Variants in AHCYL2 observed in about 807,000 individuals in gnomAD.
AHCYL2 encodes the protein adenosylhomocysteinase like 2.
Under a neutral mutation model 81.4 loss-of-function variants are expected in AHCYL2, and 28 were observed. The ratio of observed to expected loss-of-function variants is 0.34; its 90% confidence interval spans 0.25 to 0.47. The LOEUF is 0.47. Among genes scored for constraint, AHCYL2 ranks in the 20% least tolerant of loss-of-function variants. The probability of loss-of-function intolerance (pLI) is 1.00; values close to 1 mark genes in which losing one functional copy is unlikely to be tolerated. For missense variants in AHCYL2, 551 were observed against 785.1 expected, an observed-to-expected ratio of 0.70 and a Z score of 3.56; for synonymous variants, 272 against 290.2, an observed-to-expected ratio of 0.94 and a Z score of 0.64.
At chr7:129,339,602 G>T (rs982548066) in intron 1 of AHCYL2, among the ~76,000 whole-genome samples, 2 of 151,970 alleles carry the variant, frequency 1.3e-5, no homozygotes, top group African/African-American at 4.8e-5. Context: ...GCCCAGGCTG[G>T]CTCATCGCAG....
intron 1 of AHCYL2, among the ~76,000 whole-genome samples, chr7:129,351,125 T>A (rs1208288249): frequency 6.6e-6 from 1 of 152,170 alleles, no homozygotes; most frequent in East Asian, 1.9e-4. Flanking sequence ...AATTTTAAAT[T>A]TATGAAAGTT....
intron 1 of AHCYL2, among the ~76,000 whole-genome samples, chr7:129,255,512 A>G (rs1409956321): frequency 6.6e-6 from 1 of 152,238 alleles, no homozygotes; most frequent in Non-Finnish European, 1.5e-5. Flanking sequence ...GTGTGGGTCG[A>G]AAGTAATTAA....
rs575342585 is a variant in AHCYL2, at chr7:129,358,233, CAT to C, written c.364-21403_364-21402del. ...ACGATGAAACCCCGTCTCTACTAAACATACAAAAATTAGCCGGGCGTGGTGGC... is the reference window on the plus strand; with the variant it reads ...ACGATGAAACCCCGTCTCTACTAAACACAAAAATTAGCCGGGCGTGGTGGC... On this transcript the variant is annotated intron_variant, in intron 1 of 16. Coordinates refer to ENST00000325006, the MANE Select transcript of AHCYL2 (RefSeq NM_015328.4). Among the ~76,000 whole-genome samples, 9 of 149,302 alleles carry C rather than the reference CAT, an allele frequency of 6.0e-5. No individual in the cohort carries two copies. In the South Asian group the frequency reaches 1.7e-3, roughly 28 times the overall value.
At chr7:129,276,781 A>G (rs962782090) in intron 1 of AHCYL2, among the ~76,000 whole-genome samples, 5 of 151,566 alleles carry the variant, frequency 3.3e-5, no homozygotes, top group African/African-American at 1.2e-4. Context: ...TAAAAGAATT[A>G]ACAGCAACAA....
intron 2 of AHCYL2, 54 bp downstream of exon 2, chr7:129,379,803 A>C: frequency 6.1e-4 from 828 of 1,360,636 alleles, no homozygotes; most frequent in Non-Finnish European, 7.6e-4. Context: ...GTACGATCTC[A>C]ATGGGCCCTC....
At chr7:129,275,871 ACAAC>A (rs1243738108) in intron 1 of AHCYL2, among the ~76,000 whole-genome samples, 8 of 152,168 alleles carry the variant, frequency 5.3e-5, no homozygotes, top group East Asian at 1.9e-4. Context: ...GAAGATTTGA[ACAAC>A]CAACCAACAG....
chr7:129,391,022 A>T (rs989817048), intron 4 of AHCYL2, among the ~76,000 whole-genome samples: 5 of 152,216 alleles, frequency 3.3e-5, no homozygotes, highest in Non-Finnish European at 5.9e-5. Context: ...AAGGAGGAAT[A>T]AAAAAAGTAC....
chr7:129,277,628 C>T (rs1413004291), intron 1 of AHCYL2, among the ~76,000 whole-genome samples: 2 of 152,232 alleles, frequency 1.3e-5, no homozygotes, highest in East Asian at 3.9e-4. Context: ...CACTGATCTG[C>T]TTCATATAAT....
chr7:129,284,713 G>A (rs1796567930), intron 1 of AHCYL2, among the ~76,000 whole-genome samples: 1 of 151,606 alleles, frequency 6.6e-6, no homozygotes, highest in Admixed American at 6.6e-5. Context: ...ATTCTAGCTT[G>A]TGACTTTCAC....
chr7:129,311,373 G>A (rs1797651735), intron 1 of AHCYL2, among the ~76,000 whole-genome samples: 1 of 152,180 alleles, frequency 6.6e-6, no homozygotes, highest in South Asian at 2.1e-4. Flanking sequence ...TTCTGTCATG[G>A]TGATCGTACC....
chr7:129,427,076 G>A lies in AHCYL2; in HGVS notation c.*31G>A. 1.3e-6 allele frequency: 2 copies of A among 1,589,862 alleles called. No individual in the cohort carries two copies. On this transcript the variant is annotated 3_prime_UTR_variant, in exon 17 of 17. Transcript: ENST00000325006. This position sits in a 1 kb window ranked among gnomAD's most constrained non-coding sequence, Gnocchi z 5.5. ...TGTAACTCAAACCAGAATTTTTAAGGAATAGAACTCCAAGCCTTTTCTCCA... is the reference window on the plus strand; with the variant it reads ...TGTAACTCAAACCAGAATTTTTAAGAAATAGAACTCCAAGCCTTTTCTCCA...
chr7:129,315,136 T>TG (rs760203679), intron 1 of AHCYL2, among the ~76,000 whole-genome samples: 8 of 152,148 alleles, frequency 5.3e-5, no homozygotes, highest in Non-Finnish European at 1.5e-5. Flanking sequence ...CCTGGACTAT[T>TG]GCAGCTGACA....
At position 129,406,292 on chromosome 7, in the gene AHCYL2, A is replaced by C; in HGVS notation, c.1207-86A>C. On this transcript the variant is annotated intron_variant, in intron 9 of 16. Coordinates refer to ENST00000325006, the MANE Select transcript of AHCYL2 (RefSeq NM_015328.4). This position sits in a 1 kb window ranked among gnomAD's most constrained non-coding sequence, Gnocchi z 4.3. ...TCAGTGAAATTCCTCTCGGGGGTGGAAAGAGGGGGTGCACTTTACCAGAAG... is the reference window on the plus strand; with the variant it reads ...TCAGTGAAATTCCTCTCGGGGGTGGCAAGAGGGGGTGCACTTTACCAGAAG... 2 of 1,187,596 alleles carry C rather than the reference A, an allele frequency of 1.7e-6. No individual in the cohort carries two copies. The highest frequency in any genetic ancestry group is 2.5e-6 in the Non-Finnish European group (2 of 806,990). 73.6% of individuals were successfully genotyped at this position (1,187,596 alleles called of 1,614,324 possible).
chr7:129,272,454 A>G (rs1403623098), intron 1 of AHCYL2, among the ~76,000 whole-genome samples: 7 of 152,334 alleles, frequency 4.6e-5, no homozygotes, highest in African/African-American at 7.2e-5. Flanking sequence ...ACTGAAACCA[A>G]ATTTGGTACC....
At chr7:129,249,282 G>C (rs548749479) in intron 1 of AHCYL2, among the ~76,000 whole-genome samples, 1 of 152,192 alleles carries the variant, frequency 6.6e-6, no homozygotes, top group African/African-American at 2.4e-5. Context: ...ACAGACATGA[G>C]CTGCTGCACC....
intron 1 of AHCYL2, among the ~76,000 whole-genome samples, chr7:129,350,714 C>CTTTT (rs56115169): frequency 3.3e-5 from 4 of 122,138 alleles, no homozygotes; most frequent in African/African-American, 6.1e-5. Flanking sequence ...TTCTTTCTTT[C>CTTTT]TTTTTTTTTT....
rs559084350 is a variant in AHCYL2 at position 129,411,142 on chromosome 7, C to G, written c.1366+1596C>G. 4.0e-5 allele frequency among the ~76,000 whole-genome samples: 6 copies of G among 151,722 alleles called. No individual in the cohort carries two copies. In the South Asian group the frequency reaches 1.0e-3, roughly 26 times the overall value. On this transcript the variant is annotated intron_variant, in intron 11 of 16. Transcript: ENST00000325006. ...GCACATTTCACACATTTAAATTGTT[C>G]ACTGTTTTTTAGTAATTCACAGAGT...
chr7:129,421,702 G>A (rs575520458), intron 12 of AHCYL2, among the ~76,000 whole-genome samples: 4 of 152,314 alleles, frequency 2.6e-5, no homozygotes, highest in South Asian at 2.1e-4. Context: ...AATTGTATAT[G>A]TCTTTCCCAC....
intron 1 of AHCYL2, among the ~76,000 whole-genome samples, chr7:129,241,360 G>A (rs1332526321): frequency 1.3e-5 from 2 of 152,180 alleles, no homozygotes; most frequent in Non-Finnish European, 2.9e-5. Context: ...GGAGGCTGAG[G>A]CAGGTGGATC....
Sources: gnomAD v4.1 joint callset for allele counts (sites outside exome capture counted in the v4.1 genomes callset) on GRCh38, gnomAD v4.1.1 for gene constraint, Gnocchi (gnomAD v3.1) non-coding constraint, MANE v1.5 for transcripts, NCBI Gene and HGNC (gene_info 2026-07-23, HGNC 2026-07-21) for gene names.